SPOCK3: variants seen among roughly 807,000 people sequenced by gnomAD.
SPOCK3 encodes SPARC (osteonectin), cwcv and kazal like domains proteoglycan 3.
In SPOCK3, 30 loss-of-function variants were observed where a neutral mutation model predicts 56.6. The ratio of observed to expected loss-of-function variants is 0.53; its 90% CI spans 0.40 to 0.72. The LOEUF is 0.72. Among genes scored for constraint, SPOCK3 ranks in the 30% least tolerant of loss-of-function variants. The pLI is 0.00. For missense variants in SPOCK3, 527 were observed against 530.0 expected (o/e 0.99, Z 0.06); for synonymous variants, 196 against 183.3 (o/e 1.07, Z -0.56).
chr4:166,963,824 C>T (rs754678905), intron 4 of SPOCK3, among the ~76,000 whole-genome samples: 1 of 151,722 alleles, frequency 6.6e-6, no homozygotes, highest in Non-Finnish European at 1.5e-5. Context: ...TTATTTTCTC[C>T]TGACTTTCAA....
intron 3 of SPOCK3, among the ~76,000 whole-genome samples, chr4:167,030,701 C>A (rs1453045419): frequency 6.6e-6 from 1 of 151,944 alleles, no homozygotes; most frequent in Admixed American, 6.6e-5. Flanking sequence ...TGTGAATGTC[C>A]CCAATAAGAG....
chr4:166,781,240 G>C (rs1270861173), intron 7 of SPOCK3, among the ~76,000 whole-genome samples: 1 of 152,088 alleles, frequency 6.6e-6, no homozygotes, highest in Non-Finnish European at 1.5e-5. Flanking sequence ...AACCAGATTA[G>C]AAATAACAGA....
At chr4:167,030,004 A>G (rs1752101957) in intron 3 of SPOCK3, among the ~76,000 whole-genome samples, 1 of 151,912 alleles carries the variant, frequency 6.6e-6, no homozygotes, top group Non-Finnish European at 1.5e-5. Context: ...ATAGTATCTT[A>G]GTATTTTCTC....
intron 8 of SPOCK3, among the ~76,000 whole-genome samples, chr4:166,747,354 C>T (rs1031774122): frequency 6.6e-6 from 1 of 152,110 alleles, no homozygotes; most frequent in Non-Finnish European, 1.5e-5. Flanking sequence ...AAACGTAATC[C>T]ATCACAAAAA....
intron 2 of SPOCK3, among the ~76,000 whole-genome samples, chr4:167,086,566 T>C (rs1490780054): frequency 6.6e-6 from 1 of 152,136 alleles, no homozygotes; most frequent in Non-Finnish European, 1.5e-5. Flanking sequence ...TTCAGATTTG[T>C]TCTGTTTACA....
chr4:167,210,053 T>C (rs1322178981), intron 2 of SPOCK3, among the ~76,000 whole-genome samples: 2 of 152,206 alleles, frequency 1.3e-5, no homozygotes, highest in Non-Finnish European at 1.5e-5. Flanking sequence ...CCTTTGTTTA[T>C]GAAAATCATC....
At chr4:166,984,165 C>A (rs955180758) in intron 4 of SPOCK3, among the ~76,000 whole-genome samples, 1 of 152,102 alleles carries the variant, frequency 6.6e-6, no homozygotes, top group East Asian at 1.9e-4. Flanking sequence ...AAATTTAACA[C>A]CACAAATGCA....
chr4:167,031,139 C>T (rs1347772155), intron 3 of SPOCK3, among the ~76,000 whole-genome samples: 1 of 151,852 alleles, frequency 6.6e-6, no homozygotes, highest in Non-Finnish European at 1.5e-5. Flanking sequence ...AGAATAATAG[C>T]TTCCAATTAA....
chr4:167,040,416 C>G lies in SPOCK3; in HGVS notation c.235+22076G>C, dbSNP rs116437288. ...GTCCCTTACCTTTTTGATTAAGTGA[C>G]TGTGAAGTTGGAAATAGCAAGCCTC... On this transcript the variant is annotated intron_variant, in intron 3 of 10. Transcript: ENST00000357545. Among the ~76,000 whole-genome samples, 827 of 152,232 alleles carry G rather than the reference C, an allele frequency of 5.4e-3. 3 individuals carry two copies. The highest frequency in any genetic ancestry group is 0.011 in the Admixed American group (170 of 15,272).
At chr4:166,922,075 T>C (rs1183509072) in intron 4 of SPOCK3, among the ~76,000 whole-genome samples, 1 of 152,010 alleles carries the variant, frequency 6.6e-6, no homozygotes, top group Admixed American at 6.6e-5. Flanking sequence ...CAAACCCTAT[T>C]GTGAACGGCG....
chr4:166,848,789 T>C (rs1438698989), intron 6 of SPOCK3, among the ~76,000 whole-genome samples: 1 of 152,162 alleles, frequency 6.6e-6, no homozygotes, highest in African/African-American at 2.4e-5. Context: ...CCTGGTGTAA[T>C]TTCTCCCTGT....
rs1350787105 is a variant in SPOCK3, at chr4:166,928,864, A to C, written c.351-16121T>G. ...GTGCCCGAAATCCCAGCTACTCAGG[A>C]GACTGAGGCAGGAGAATCGCTTGAA... On this transcript the variant is annotated intron_variant, in intron 4 of 10. Transcript: ENST00000357545. 2.0e-5 allele frequency among the ~76,000 whole-genome samples: 3 copies of C among 152,258 alleles called. No individual in the cohort carries two copies. The South Asian group carries it at 6.2e-4, about 32-fold the overall frequency.
chr4:167,209,345 G>A (rs986125014), intron 2 of SPOCK3, among the ~76,000 whole-genome samples: 4 of 152,024 alleles, frequency 2.6e-5, no homozygotes, highest in African/African-American at 7.2e-5. Context: ...TTTGATGGAT[G>A]AGTAGAATTT....
At chr4:167,028,324 C>A (rs1321039407) in intron 3 of SPOCK3, among the ~76,000 whole-genome samples, 1 of 151,442 alleles carries the variant, frequency 6.6e-6, no homozygotes, top group Non-Finnish European at 1.5e-5. Context: ...CCGTAGTGAG[C>A]TATGATCACA....
Position 166,737,462 on chromosome 4 carries a change from C to A in SPOCK3, c.1132+5G>T. On this transcript the variant is annotated splice_donor_5th_base_variant and intron_variant, in intron 10 of 10. Coordinates refer to ENST00000357545, the MANE Select transcript of SPOCK3 (RefSeq NM_001040159.2). ...AATTATGAAATAAGTAACCCTTCTC[C>A]TTACCACAATCTGCAACACCATTTA... The A allele has an allele frequency of 6.2e-7, 1 of 1,610,976 alleles. No individual in the cohort carries two copies. Among genetic ancestry groups the A allele is most frequent in the Non-Finnish European group, 8.5e-7 (1 of 1,178,640 alleles).
At chr4:167,161,863 G>A (rs1765341814) in intron 2 of SPOCK3, among the ~76,000 whole-genome samples, 1 of 143,252 alleles carries the variant, frequency 7.0e-6, no homozygotes, top group Non-Finnish European at 1.5e-5. Context: ...ACACAGGAAG[G>A]GGAACATCAC....
At chr4:166,788,254 G>T (rs1459252571) in intron 7 of SPOCK3, among the ~76,000 whole-genome samples, 2 of 151,998 alleles carry the variant, frequency 1.3e-5, no homozygotes, top group Non-Finnish European at 1.5e-5. Flanking sequence ...AAATCATGTA[G>T]ATGACAAGCT....
chr4:166,826,207 T>C (rs1056682703), intron 6 of SPOCK3, among the ~76,000 whole-genome samples: 10 of 152,114 alleles, frequency 6.6e-5, no homozygotes, highest in African/African-American at 2.4e-4. Context: ...TATTTTTCTA[T>C]AGCCTACAAA....
intron 5 of SPOCK3, among the ~76,000 whole-genome samples, chr4:166,907,460 C>A (rs1047883991): frequency 2.0e-5 from 3 of 152,072 alleles, no homozygotes; most frequent in African/African-American, 4.8e-5. Flanking sequence ...CTTTTCCTAC[C>A]TGTGAAGCTT....
Sources: allele counts gnomAD v4.1 joint callset (sites outside exome capture counted in the v4.1 genomes callset), GRCh38; gene constraint gnomAD v4.1.1; transcripts MANE v1.5; gene names NCBI Gene and HGNC (gene_info 2026-07-23, HGNC 2026-07-21).